VPS13B: variants seen among roughly 807,000 people sequenced by gnomAD.
The protein encoded by VPS13B is intermembrane lipid transfer protein VPS13B.
In VPS13B, 285 loss-of-function variants were observed where a neutral mutation model predicts 426.4. The observed-to-expected ratio is 0.67, with a 90% CI of 0.61 to 0.74. VPS13B has a LOEUF of 0.74. Among genes scored for constraint, VPS13B ranks in the 30% least tolerant of loss-of-function variants. The pLI is 0.00. For missense variants in VPS13B, 4,537 were observed against 4,782.6 expected, an observed-to-expected ratio of 0.95 and a Z score of 1.51; for synonymous variants, 1,676 against 1,676.4, an observed-to-expected ratio of 1.00 and a Z score of 0.01.
At chr8:99,392,357 TAAAA>T (rs533400842) in intron 21 of VPS13B, among the ~76,000 whole-genome samples, 1 of 151,996 alleles carries the variant, frequency 6.6e-6, no homozygotes, top group East Asian at 1.9e-4. Flanking sequence ...AATATATAAT[TAAAA>T]AAATAATTTT....
rs1842839989 is a variant in VPS13B, at chr8:99,038,526, A to G, written c.251A>G (p.Asn84Ser). The G allele has an allele frequency of 6.2e-7, 1 of 1,613,032 alleles. No individual in the cohort carries two copies. Among genetic ancestry groups the G allele is most frequent in the Non-Finnish European group, 8.5e-7 (1 of 1,179,410 alleles). ...LGSEPVVITI[N>S]TMECILKLKD... ...TCAGAACCAGTGGTAATTACCATCA[A>G]TACTATGGAATGCATTTTGAAACTT... Residue 84 changes from asparagine (N) to serine (S), a missense_variant, in exon 3 of 62, where the codon AAT becomes AGT. Asn to Ser is a conservative substitution (Grantham distance 46). Transcript: ENST00000357162.
At chr8:99,560,778 T>A (rs1243902715) in intron 31 of VPS13B, among the ~76,000 whole-genome samples, 1 of 152,240 alleles carries the variant, frequency 6.6e-6, no homozygotes, top group Non-Finnish European at 1.5e-5. Flanking sequence ...AAATATCACA[T>A]GATAGCATCC....
chr8:99,407,469 C>G (rs1177060428), intron 21 of VPS13B, among the ~76,000 whole-genome samples: 3 of 151,986 alleles, frequency 2.0e-5, no homozygotes, highest in South Asian at 2.1e-4. Context: ...ATCTATTTCT[C>G]TCCTTATAAT....
chr8:99,429,383 A>G (rs558814160), intron 21 of VPS13B, among the ~76,000 whole-genome samples: 1 of 151,762 alleles, frequency 6.6e-6, no homozygotes, highest in African/African-American at 2.4e-5. Flanking sequence ...AATGTTGAGC[A>G]TTTTAAAAAT....
At chr8:99,595,850 G>T (rs1826982338) in intron 33 of VPS13B, among the ~76,000 whole-genome samples, 1 of 151,858 alleles carries the variant, frequency 6.6e-6, no homozygotes, top group African/African-American at 2.4e-5. Context: ...TGGGCTCAAA[G>T]AATCTTAATA....
chr8:99,870,956 C>G, intron 60 of VPS13B, 69 bp downstream of exon 60: 1 of 1,498,228 alleles, frequency 6.7e-7, no homozygotes, highest in Non-Finnish European at 9.2e-7. Context: ...GGCTTGCTCT[C>G]AAGCTAATGG....
At chr8:99,388,302 C>T (rs953532699) in intron 20 of VPS13B, among the ~76,000 whole-genome samples, 1 of 151,936 alleles carries the variant, frequency 6.6e-6, no homozygotes, top group Non-Finnish European at 1.5e-5. Flanking sequence ...TTAGTTTTAT[C>T]TATAATATTT....
At chr8:99,083,028 A>G (rs1402223402) in intron 3 of VPS13B, among the ~76,000 whole-genome samples, 1 of 152,188 alleles carries the variant, frequency 6.6e-6, no homozygotes, top group Non-Finnish European at 1.5e-5. Flanking sequence ...TGGGAATGGC[A>G]TTGAATCTAT....
At chr8:99,510,573 GCTCACTGCAGC>G (rs1821733160) in intron 28 of VPS13B, among the ~76,000 whole-genome samples, 1 of 152,156 alleles carries the variant, frequency 6.6e-6, no homozygotes, top group Non-Finnish European at 1.5e-5. Flanking sequence ...CTCAATCTCG[GCTCACTGCAGC>G]CTCTGCCTCC....
intron 51 of VPS13B, among the ~76,000 whole-genome samples, chr8:99,826,086 G>A (rs190842690): frequency 2.8e-3 from 428 of 152,262 alleles, no homozygotes; most frequent in African/African-American, 9.8e-3. Flanking sequence ...GTTTAAAGTA[G>A]TTTTTTCTAA....
intron 24 of VPS13B, among the ~76,000 whole-genome samples, chr8:99,470,879 A>C (rs922776952): frequency 1.3e-5 from 2 of 152,174 alleles, no homozygotes; most frequent in Admixed American, 6.6e-5. Context: ...ACGAAAAATA[A>C]ATTTTTTAAA....
intron 23 of VPS13B, among the ~76,000 whole-genome samples, chr8:99,461,693 A>G (rs1049293114): frequency 1.3e-5 from 2 of 152,112 alleles, no homozygotes. Flanking sequence ...ATTCTCCTAG[A>G]ATGTTTCTCT....
intron 19 of VPS13B, among the ~76,000 whole-genome samples, chr8:99,362,259 A>G (rs1274061425): frequency 1.4e-5 from 2 of 147,770 alleles, no homozygotes; most frequent in Admixed American, 7.0e-5. Context: ...CTCCTGCCTC[A>G]GCCTCCTGAG....
At chr8:99,756,422 G>A (rs1285838068) in intron 39 of VPS13B, among the ~76,000 whole-genome samples, 4 of 151,874 alleles carry the variant, frequency 2.6e-5, no homozygotes, top group Admixed American at 6.6e-5. Context: ...GGAGAGAAAC[G>A]GGAAGAAAGA....
At chr8:99,430,299 A>G (rs1377169277) in intron 21 of VPS13B, among the ~76,000 whole-genome samples, 3 of 152,170 alleles carry the variant, frequency 2.0e-5, no homozygotes, top group Non-Finnish European at 2.9e-5. Context: ...GTCATATATC[A>G]CCACATTCTC....
chr8:99,766,596 TAAAC>T, intron 39 of VPS13B, among the ~76,000 whole-genome samples, 174 bp from the exon 40 acceptor site: 1 of 152,316 alleles, frequency 6.6e-6, no homozygotes, highest in South Asian at 2.1e-4. Flanking sequence ...TCTTTAAAAA[TAAAC>T]AGGATGAATA....
intron 33 of VPS13B, among the ~76,000 whole-genome samples, chr8:99,628,087 A>G (rs1321549298): frequency 2.0e-5 from 3 of 152,228 alleles, no homozygotes; most frequent in Non-Finnish European, 4.4e-5. Flanking sequence ...AACTTGGCCT[A>G]GATTACTCCA....
chr8:99,334,821 T>G (rs1467658516), intron 19 of VPS13B, among the ~76,000 whole-genome samples: 1 of 152,158 alleles, frequency 6.6e-6, no homozygotes, highest in Non-Finnish European at 1.5e-5. Context: ...AAAATTCTCT[T>G]TTTTGGTTGT....
rs16897743 is a variant in VPS13B, at chr8:99,818,581, T to C, written c.8445+47T>C. The C allele has an allele frequency of 2.9e-3, 4,611 of 1,607,546 alleles. 120 individuals are homozygous for C. The African/African-American group carries it at 0.054, about 19-fold the overall frequency. On this transcript the variant is annotated intron_variant, in intron 46 of 61. Transcript: ENST00000357162. ...AAATATGGTATATGACTCTGACCTTTCCTGTTCTGAAATAAATTAAGGTCA... is the reference window on the plus strand; with the variant it reads ...AAATATGGTATATGACTCTGACCTTCCCTGTTCTGAAATAAATTAAGGTCA...
Sources: gnomAD v4.1 joint callset for allele counts (sites outside exome capture counted in the v4.1 genomes callset) on GRCh38, gnomAD v4.1.1 for gene constraint, MANE v1.5 for transcripts, NCBI Gene and HGNC (gene_info 2026-07-23, HGNC 2026-07-21) for gene names.